Variants in STARD13 observed in about 807,000 individuals in gnomAD.
STARD13 encodes StAR related lipid transfer domain containing 13, also known as stAR-related lipid transfer protein 13.
A neutral mutation model predicts 106.4 loss-of-function variants in STARD13; 62 were observed. The ratio of observed to expected loss-of-function variants is 0.58; its 90% CI spans 0.48 to 0.72. The LOEUF is 0.72. STARD13 is among the 30% of genes least tolerant of loss of function. The pLI is 0.00. For missense variants in STARD13, 1,387 were observed against 1,424.0 expected (o/e 0.97, Z 0.42); for synonymous variants, 565 against 553.0 (o/e 1.02, Z -0.31).
At chr13:33,516,790 A>T in the STARD13 span, among the ~76,000 whole-genome samples, 2 of 151,954 alleles carry the variant, frequency 1.3e-5, no homozygotes, top group Non-Finnish European at 2.9e-5. Context: ...AAAGTTACAT[A>T]TCAGGCCAGG....
At chr13:33,672,497 G>A in the STARD13 span, among the ~76,000 whole-genome samples, 2 of 152,110 alleles carry the variant, frequency 1.3e-5, no homozygotes, top group Non-Finnish European at 2.9e-5. Context: ...AAACCTGCAC[G>A]TTCTGCACAT....
chr13:33,668,399 C>G, the STARD13 span, among the ~76,000 whole-genome samples: 4 of 152,086 alleles, frequency 2.6e-5, no homozygotes, highest in South Asian at 8.3e-4. Flanking sequence ...CACCAGCAAC[C>G]TGGTGGTGGG....
the STARD13 span, among the ~76,000 whole-genome samples, chr13:33,648,674 A>G: frequency 6.6e-6 from 1 of 151,892 alleles, no homozygotes; most frequent in Admixed American, 6.6e-5. Context: ...AATCTTGTCA[A>G]TTTATAATTT....
At chr13:33,304,963 G>A (rs1240887722) in intron 1 of STARD13, among the ~76,000 whole-genome samples, 1 of 152,232 alleles carries the variant, frequency 6.6e-6, no homozygotes, top group African/African-American at 2.4e-5. Context: ...CTATGCTGCA[G>A]TTAAATATTA....
At chr13:33,619,501 T>A in the STARD13 span, among the ~76,000 whole-genome samples, 1 of 152,244 alleles carries the variant, frequency 6.6e-6, no homozygotes, top group Non-Finnish European at 1.5e-5. Context: ...CCTAATTAAC[T>A]TAATTTTAAA....
At chr13:33,578,997 A>C in the STARD13 span, among the ~76,000 whole-genome samples, 1 of 152,056 alleles carries the variant, frequency 6.6e-6, no homozygotes, top group Non-Finnish European at 1.5e-5. Flanking sequence ...AGTCAAAAAA[A>C]ACAATGGATG....
At chr13:33,593,438 C>T in the STARD13 span, among the ~76,000 whole-genome samples, 1 of 152,166 alleles carries the variant, frequency 6.6e-6, no homozygotes, top group Non-Finnish European at 1.5e-5. Flanking sequence ...CCGCCTTGGC[C>T]TCCCAAAGTG....
intron 1 of STARD13, among the ~76,000 whole-genome samples, chr13:33,241,844 C>G (rs949639111): frequency 9.2e-5 from 14 of 152,280 alleles, no homozygotes; most frequent in African/African-American, 2.9e-4. Context: ...ACTCAGTGCT[C>G]AATGTTGCCC....
At chr13:33,195,241 T>C (rs1286751429) in intron 1 of STARD13, among the ~76,000 whole-genome samples, 1 of 152,240 alleles carries the variant, frequency 6.6e-6, no homozygotes, top group African/African-American at 2.4e-5. Flanking sequence ...TTTATTTTAA[T>C]GCAATATATA....
At chr13:33,232,571 T>A (rs2138215732) in intron 1 of STARD13, among the ~76,000 whole-genome samples, 1 of 152,252 alleles carries the variant, frequency 6.6e-6, no homozygotes, top group South Asian at 2.1e-4. Context: ...ATTTATAATC[T>A]CTCATCTCTT....
At chr13:33,357,835 C>T in the STARD13 span, among the ~76,000 whole-genome samples, 3 of 152,320 alleles carry the variant, frequency 2.0e-5, no homozygotes, top group South Asian at 2.1e-4. Context: ...TCAGAGCCCT[C>T]GCTTGCTCTC....
intron 1 of STARD13, among the ~76,000 whole-genome samples, chr13:33,260,396 A>G (rs1594180200): frequency 6.6e-6 from 1 of 152,252 alleles, no homozygotes; most frequent in African/African-American, 2.4e-5. Context: ...GCCATTGCCA[A>G]CGCTGCTTCA....
At chr13:33,251,705 G>A (rs889101410) in intron 1 of STARD13, among the ~76,000 whole-genome samples, 1 of 152,210 alleles carries the variant, frequency 6.6e-6, no homozygotes, top group Non-Finnish European at 1.5e-5. Flanking sequence ...TTTGTGTAAA[G>A]TATGGGCATA....
At chr13:33,194,215 C>T (rs866557564) in intron 1 of STARD13, among the ~76,000 whole-genome samples, 21 of 152,106 alleles carry the variant, frequency 1.4e-4, no homozygotes, top group African/African-American at 4.8e-4. Flanking sequence ...GAACACAGCA[C>T]ATGCCTAATA....
chr13:33,214,782 C>G (rs1887933970), intron 1 of STARD13, among the ~76,000 whole-genome samples: 2 of 151,562 alleles, frequency 1.3e-5, no homozygotes. Context: ...CAGTGCTGTG[C>G]AGTGTATGAG....
the STARD13 span, among the ~76,000 whole-genome samples, chr13:33,676,424 C>T: frequency 1.2e-4 from 19 of 152,316 alleles, no homozygotes; most frequent in South Asian, 3.7e-3. Context: ...GACACTTCCA[C>T]ACATGTGTAA....
chr13:33,205,029 T>A (rs1484920180), intron 1 of STARD13, among the ~76,000 whole-genome samples: 1 of 152,224 alleles, frequency 6.6e-6, no homozygotes, highest in Non-Finnish European at 1.5e-5. Flanking sequence ...GCTCATAGAA[T>A]CTTATCATTC....
chr13:33,466,262 T>C, the STARD13 span, among the ~76,000 whole-genome samples: 2 of 152,208 alleles, frequency 1.3e-5, no homozygotes, highest in East Asian at 1.9e-4. Flanking sequence ...TGAGGTATAA[T>C]TAACATACAA....
intron 1 of STARD13, among the ~76,000 whole-genome samples, chr13:33,247,131 A>G (rs1889863773): frequency 6.6e-6 from 1 of 152,062 alleles, no homozygotes; most frequent in South Asian, 2.1e-4. Context: ...CTGGAGGCGG[A>G]GGTTGCAGTG....
Sources: gnomAD v4.1 joint callset for allele counts (sites outside exome capture counted in the v4.1 genomes callset) on GRCh38, gnomAD v4.1.1 for gene constraint, MANE v1.5 for transcripts, NCBI Gene and HGNC (gene_info 2026-07-23, HGNC 2026-07-21) for gene names.